CNBD1: variants seen among roughly 807,000 people sequenced by gnomAD.
CNBD1 encodes the protein cyclic nucleotide binding domain containing 1.
In CNBD1, 71 loss-of-function variants were observed where a neutral mutation model predicts 54.4. The ratio of observed to expected loss-of-function variants is 1.30; its 90% CI spans 1.08 to 1.59. CNBD1 has a LOEUF of 1.59. CNBD1 is among the 40% of genes most tolerant of loss of function. The pLI is 0.00. For synonymous variants in CNBD1, 182 were observed against 170.7 expected (o/e 1.07, Z -0.51); for missense variants, 659 against 518.0 (o/e 1.27, Z -2.64).
chr8:87,101,344 G>A (rs1811425778), intron 4 of CNBD1, among the ~76,000 whole-genome samples: 1 of 151,904 alleles, frequency 6.6e-6, no homozygotes, highest in Non-Finnish European at 1.5e-5. Flanking sequence ...GTGTGGGAAA[G>A]AACCAAATGG....
intron 4 of CNBD1, among the ~76,000 whole-genome samples, chr8:87,034,386 A>T (rs73275717): frequency 3.9e-5 from 6 of 152,186 alleles, no homozygotes; most frequent in Admixed American, 2.0e-4. Context: ...CAATGGTTAG[A>T]ATCACCTGGT....
intron 5 of CNBD1, among the ~76,000 whole-genome samples, chr8:87,232,047 A>T (rs888388906): frequency 3.3e-5 from 5 of 152,168 alleles, no homozygotes; most frequent in African/African-American, 1.2e-4. Flanking sequence ...CTTTTGTGAA[A>T]ACTTTATTCC....
At chr8:87,390,940 A>G (rs962513806) in intron 2 of CNBD1, among the ~76,000 whole-genome samples, 3 of 152,178 alleles carry the variant, frequency 2.0e-5, no homozygotes, top group African/African-American at 7.2e-5. Flanking sequence ...TATCCTTTGT[A>G]GGGAGATGGA....
intron 4 of CNBD1, among the ~76,000 whole-genome samples, chr8:87,062,369 C>T (rs557974610): frequency 8.6e-5 from 13 of 151,968 alleles, no homozygotes; most frequent in African/African-American, 3.1e-4. Context: ...GAGGTACTTA[C>T]ATTATTAAGA....
intron 8 of CNBD1, among the ~76,000 whole-genome samples, chr8:87,319,794 AG>A (rs1227756102): frequency 3.9e-5 from 6 of 152,108 alleles, no homozygotes; most frequent in Non-Finnish European, 8.8e-5. Context: ...CATTCAAAAA[AG>A]CGTTTCTATA....
chr8:87,273,625 G>A (rs913434592), intron 6 of CNBD1, among the ~76,000 whole-genome samples: 2 of 151,848 alleles, frequency 1.3e-5, no homozygotes, highest in African/African-American at 4.8e-5. Flanking sequence ...CCAGTAACTT[G>A]TTTTCTCTAA....
intron 2 of CNBD1, among the ~76,000 whole-genome samples, chr8:87,400,953 G>A (rs1189512103): frequency 6.6e-6 from 1 of 151,884 alleles, no homozygotes; most frequent in Non-Finnish European, 1.5e-5. Context: ...AACATCTCTA[G>A]GTAATTTTTG....
At chr8:87,072,716 C>CT (rs918675461) in intron 4 of CNBD1, among the ~76,000 whole-genome samples, 17 of 145,484 alleles carry the variant, frequency 1.2e-4, no homozygotes, top group East Asian at 2.0e-4. Context: ...GTGACCTGGC[C>CT]TTTTTTTTTT....
At chr8:87,093,489 G>A (rs1811258820) in intron 4 of CNBD1, among the ~76,000 whole-genome samples, 1 of 152,084 alleles carries the variant, frequency 6.6e-6, no homozygotes, top group South Asian at 2.1e-4. Flanking sequence ...TTCACTTGAG[G>A]CCTTCAACTG....
In CNBD1 at chr8:87,376,730, T is replaced by C. The variant is rs546766732; in HGVS notation, c.1304-5890T>C. Among the ~76,000 whole-genome samples the C allele has an allele frequency of 4.6e-5, 7 of 152,090 alleles. No homozygotes were observed. The East Asian group carries it at 1.4e-3, about 30-fold the overall frequency. On this transcript the variant is annotated intron_variant, in intron 10 of 10. Coordinates refer to ENST00000518476, the MANE Select transcript of CNBD1 (RefSeq NM_173538.3). ...TAATGAAAATCTTAGTTAAGTTTAT[T>C]AAACCCATTTTATAGGTAAGGCAAC...
At chr8:87,388,807 A>G (rs1811247299) in intron 2 of CNBD1, among the ~76,000 whole-genome samples, 1 of 152,176 alleles carries the variant, frequency 6.6e-6, no homozygotes, top group South Asian at 2.1e-4. Flanking sequence ...AAAAAAGACA[A>G]TTTTAGACCA....
intron 8 of CNBD1, among the ~76,000 whole-genome samples, chr8:87,349,453 G>T (rs1471573944): frequency 6.6e-6 from 1 of 152,124 alleles, no homozygotes; most frequent in Non-Finnish European, 1.5e-5. Context: ...TCAGCTCACT[G>T]CAACCTCTGC....
chr8:87,362,731 C>T (rs9942837), intron 10 of CNBD1, among the ~76,000 whole-genome samples: 2,325 of 152,112 alleles, frequency 0.015, 43 homozygotes, highest in African/African-American at 0.047. Context: ...TGTGAGTCCA[C>T]GCTTAACATT....
At chr8:87,377,855 T>G (rs1810984010) in intron 10 of CNBD1, among the ~76,000 whole-genome samples, 2 of 151,250 alleles carry the variant, frequency 1.3e-5, no homozygotes, top group Admixed American at 6.6e-5. Context: ...CTAACTGGTG[T>G]GAGATGATAT....
At chr8:87,231,188 A>G (rs1195621920) in intron 5 of CNBD1, among the ~76,000 whole-genome samples, 2 of 152,204 alleles carry the variant, frequency 1.3e-5, no homozygotes, top group African/African-American at 4.8e-5. Context: ...TCATAGGCAG[A>G]CATATATTTA....
At chr8:87,011,104 G>A (rs929052625) in intron 4 of CNBD1, among the ~76,000 whole-genome samples, 1 of 151,362 alleles carries the variant, frequency 6.6e-6, no homozygotes, top group Admixed American at 6.6e-5. Context: ...CTAGGGTCTT[G>A]CTCTGTTTAT....
intron 1 of CNBD1, among the ~76,000 whole-genome samples, chr8:86,872,385 A>T (rs1278656077): frequency 6.6e-6 from 1 of 152,136 alleles, no homozygotes; most frequent in Non-Finnish European, 1.5e-5. Context: ...ATTTGTATTT[A>T]TTAATTATAA....
chr8:86,936,775 A>G (rs1462942537), intron 3 of CNBD1, among the ~76,000 whole-genome samples: 1 of 151,904 alleles, frequency 6.6e-6, no homozygotes, highest in East Asian at 1.9e-4. Context: ...ATAGGGATTA[A>G]GAATAATCTA....
chr8:87,218,971 C>A (rs1366206937), intron 5 of CNBD1, among the ~76,000 whole-genome samples: 1 of 151,756 alleles, frequency 6.6e-6, no homozygotes, highest in Admixed American at 6.6e-5. Context: ...AAATGAAATC[C>A]TTTACTGAAA....
Sources: allele counts gnomAD v4.1 joint callset (sites outside exome capture counted in the v4.1 genomes callset), GRCh38; gene constraint gnomAD v4.1.1; transcripts MANE v1.5; gene names NCBI Gene and HGNC (gene_info 2026-07-23, HGNC 2026-07-21).